The following SCAI variants were observed in gnomAD, a reference collection of about 807,000 sequenced individuals.
SCAI encodes the protein protein SCAI.
SCAI carries 24 observed loss-of-function variants against 92.2 expected under a neutral mutation model. That is an observed-to-expected ratio of 0.26 (90% CI 0.19 to 0.37). The LOEUF (loss-of-function observed/expected upper bound fraction) is 0.37, where lower values mean the gene tolerates loss of function less well. Ranked by LOEUF, SCAI falls within the 10% of genes least tolerant of loss-of-function variation. The probability of loss-of-function intolerance (pLI) is 1.00; values close to 1 mark genes in which losing one functional copy is unlikely to be tolerated. For synonymous variants in SCAI, 261 were observed against 258.6 expected, an observed-to-expected ratio of 1.01 and a Z score of -0.09; for missense variants, 450 against 736.2, an observed-to-expected ratio of 0.61 and a Z score of 4.50.
At chr9:125,065,132 A>G (rs1437869917) in intron 2 of SCAI, among the ~76,000 whole-genome samples, 1 of 152,188 alleles carries the variant, frequency 6.6e-6, no homozygotes, top group Non-Finnish European at 1.5e-5. Context: ...AATTAATTAA[A>G]TAAGAAACAC....
intron 3 of SCAI, among the ~76,000 whole-genome samples, chr9:125,044,952 C>T (rs184185890): frequency 1.8e-4 from 27 of 152,330 alleles, no homozygotes; most frequent in South Asian, 1.4e-3. Context: ...TGCCCCACCA[C>T]GGCAGCTAGC....
intron 14 of SCAI, among the ~76,000 whole-genome samples, chr9:124,985,721 G>T (rs1222278713): frequency 6.6e-6 from 1 of 151,978 alleles, no homozygotes; most frequent in African/African-American, 2.4e-5. Flanking sequence ...TACAAAATTA[G>T]CCAGGCGTGG....
chr9:125,050,104 G>A lies in SCAI; in HGVS notation c.230+5772C>T, dbSNP rs924386267. 5.9e-5 allele frequency among the ~76,000 whole-genome samples: 9 copies of A among 151,614 alleles called. 1 individual carries two copies. Among genetic ancestry groups the A allele is most frequent in the Admixed American group, 5.9e-4 (9 of 15,198 alleles). ...AAAAAAAAAAAGACAAGCACTAACA[G>A]TGAAAAAAATGCTAGAGGGAAAGGG... On this transcript the variant is annotated intron_variant, in intron 3 of 17. Transcript: ENST00000336505.
intron 2 of SCAI, among the ~76,000 whole-genome samples, chr9:125,061,991 T>C (rs1235322898): frequency 6.6e-6 from 1 of 152,012 alleles, no homozygotes; most frequent in African/African-American, 2.4e-5. Context: ...TACAGAAGAA[T>C]GGAAAAAATG....
At chr9:125,038,189 C>G (rs1433926155) in intron 3 of SCAI, among the ~76,000 whole-genome samples, 1 of 151,854 alleles carries the variant, frequency 6.6e-6, no homozygotes, top group Non-Finnish European at 1.5e-5. Flanking sequence ...CCCAGGAGGT[C>G]AAAGCTGCAG....
chr9:125,059,542 G>A (rs926800353), intron 2 of SCAI, among the ~76,000 whole-genome samples: 11 of 152,146 alleles, frequency 7.2e-5, no homozygotes, highest in African/African-American at 2.2e-4. Flanking sequence ...GCAGCAAAAT[G>A]AGCACATTAA....
intron 2 of SCAI, among the ~76,000 whole-genome samples, chr9:125,056,911 A>C (rs1402388714): frequency 6.6e-6 from 1 of 152,234 alleles, no homozygotes; most frequent in East Asian, 1.9e-4. Context: ...ATACATACAC[A>C]CACACGTACA....
Position 125,028,381 on chromosome 9 carries a change from A to T in SCAI, c.413+11T>A. The T allele has an allele frequency of 1.4e-6, 2 of 1,458,542 alleles. No individual in the cohort carries two copies. The highest frequency in any genetic ancestry group is 1.4e-5 in the African/African-American group (1 of 71,564). 90.4% of individuals were successfully genotyped at this position (1,458,542 alleles called of 1,614,324 possible). On this transcript the variant is annotated intron_variant, in intron 5 of 17. Coordinates refer to ENST00000336505, the MANE Select transcript of SCAI (RefSeq NM_001144877.3). ...ACAACACTTTACTCTTTCCATGTGT[A>T]ATTTACTTACTAATAATGATAGTAT...
intron 2 of SCAI, among the ~76,000 whole-genome samples, chr9:125,102,429 C>G (rs1249681819): frequency 1.3e-5 from 2 of 152,118 alleles, no homozygotes; most frequent in Non-Finnish European, 2.9e-5. Context: ...CAGTCCTCCT[C>G]TTTCATAAAG....
intron 7 of SCAI, among the ~76,000 whole-genome samples, chr9:125,020,369 T>G (rs756150537): frequency 6.6e-6 from 1 of 152,178 alleles, no homozygotes; most frequent in Admixed American, 6.5e-5. Flanking sequence ...TTCAATTATT[T>G]TCTCTTAAAC....
Position 125,015,945 on chromosome 9 carries a change from C to A in SCAI, c.861+2854G>T, listed in dbSNP as rs541785264. On this transcript the variant is annotated intron_variant, in intron 9 of 17. Coordinates refer to ENST00000336505, the MANE Select transcript of SCAI (RefSeq NM_001144877.3). ...TATCGCAAGAACAAAAAACCAAACA[C>A]CGCATCTTCTCACTCATAGGTGGGA... is the stretch of plus-strand genomic sequence containing the variant. Among the ~76,000 whole-genome samples the A allele has an allele frequency of 4.7e-5, 7 of 148,728 alleles. No individual in the cohort carries two copies. In the South Asian group the frequency reaches 1.5e-3, roughly 31 times the overall value.
chr9:125,122,771 TG>T (rs1333523727), intron 2 of SCAI, among the ~76,000 whole-genome samples: 1 of 151,932 alleles, frequency 6.6e-6, no homozygotes, highest in East Asian at 1.9e-4. Flanking sequence ...CTGGGCGTAG[TG>T]GTATGTGACA....
intron 6 of SCAI, among the ~76,000 whole-genome samples, chr9:125,022,221 G>GGT (rs1370443355): frequency 1.3e-5 from 2 of 151,812 alleles, no homozygotes; most frequent in Non-Finnish European, 1.5e-5. Context: ...TACGTTATTA[G>GGT]GTATATATAA....
At chr9:125,004,734 CATATATATATATATATATATAT>C (rs1165021670) in intron 9 of SCAI, among the ~76,000 whole-genome samples, 403 of 27,660 alleles carry the variant, frequency 0.015, 12 homozygotes, top group African/African-American at 0.026. Flanking sequence ...AACTGTGATC[CATATATATATATATATATATAT>C]ATATATATAT....
chr9:125,063,784 A>G (rs992926432), intron 2 of SCAI, among the ~76,000 whole-genome samples: 8 of 145,484 alleles, frequency 5.5e-5, no homozygotes, highest in Non-Finnish European at 9.0e-5. Flanking sequence ...ACAGAGTTTC[A>G]CTCTTATCAC....
At chr9:125,093,978 A>T (rs925207276) in intron 2 of SCAI, among the ~76,000 whole-genome samples, 11 of 151,690 alleles carry the variant, frequency 7.3e-5, no homozygotes, top group African/African-American at 2.4e-4. Flanking sequence ...CTCCAAACTT[A>T]TCAGATACAA....
intron 2 of SCAI, among the ~76,000 whole-genome samples, chr9:125,127,451 C>CTAG (rs1265894849): frequency 6.7e-6 from 1 of 148,882 alleles, no homozygotes; most frequent in Non-Finnish European, 1.5e-5. Flanking sequence ...GTTGCCCAGG[C>CTAG]TAGTCTGAGC....
chr9:125,076,970 G>C (rs1834103132), intron 2 of SCAI, among the ~76,000 whole-genome samples: 1 of 152,148 alleles, frequency 6.6e-6, no homozygotes, highest in Non-Finnish European at 1.5e-5. Context: ...CCAAAGTGCT[G>C]GGATTACAGG....
chr9:125,073,995 C>T (rs1022196145), intron 2 of SCAI, among the ~76,000 whole-genome samples: 2 of 151,004 alleles, frequency 1.3e-5, no homozygotes, highest in African/African-American at 4.9e-5. Flanking sequence ...CTCATGCCTT[C>T]ATGCCTGTAA....
Sources: gnomAD v4.1 joint callset for allele counts (sites outside exome capture counted in the v4.1 genomes callset) on GRCh38, gnomAD v4.1.1 for gene constraint, MANE v1.5 for transcripts, NCBI Gene and HGNC (gene_info 2026-07-23, HGNC 2026-07-21) for gene names.